The following TRABD2A variants were observed in gnomAD, a reference collection of about 807,000 sequenced individuals.
TRABD2A encodes the protein TraB domain containing 2A, also known as metalloprotease TIKI1.
TRABD2A carries 43 observed loss-of-function variants against 45.6 expected under a neutral mutation model. That is an observed-to-expected ratio of 0.94 (90% CI 0.74 to 1.22). TRABD2A has a LOEUF of 1.22. Among genes scored for constraint, TRABD2A ranks in the 50% most tolerant of loss-of-function variants. The probability of loss-of-function intolerance (pLI) is 0.00; values close to 1 mark genes in which losing one functional copy is unlikely to be tolerated. For synonymous variants in TRABD2A, 269 were observed against 265.0 expected (o/e 1.02, Z -0.15); for missense variants, 642 against 652.4 (o/e 0.98, Z 0.17).
chr2:84,855,970 G>A (rs925020046), intron 2 of TRABD2A, among the ~76,000 whole-genome samples: 9 of 152,246 alleles, frequency 5.9e-5, no homozygotes, highest in East Asian at 1.9e-4. Context: ...GAAAGGCACC[G>A]CCCATTACGC....
chr2:84,880,798 C>A, intron 1 of TRABD2A, 134 bp downstream of exon 1: 1 of 1,340,132 alleles, frequency 7.5e-7, no homozygotes, highest in Middle Eastern at 2.3e-4. Context: ...GCAAGGAGCG[C>A]CGCGGTGCTA....
At chr2:84,832,406 G>A (rs1681370001) in intron 4 of TRABD2A, 1 of 477,894 alleles carries the variant, frequency 2.1e-6, no homozygotes, top group Non-Finnish European at 3.8e-6. Context: ...ACAAAGCTAA[G>A]GGGATAGCCT....
chr2:84,829,490 A>G (rs1681253756), intron 5 of TRABD2A, among the ~76,000 whole-genome samples: 1 of 149,708 alleles, frequency 6.7e-6, no homozygotes, highest in African/African-American at 2.5e-5. Context: ...CCCCACACAT[A>G]CACAACTCAC....
intron 1 of TRABD2A, among the ~76,000 whole-genome samples, chr2:84,875,827 T>C (rs1453408114): frequency 1.3e-5 from 2 of 151,960 alleles, no homozygotes; most frequent in Non-Finnish European, 2.9e-5. Context: ...ACCCTGTCTC[T>C]ACAAAATATT....
intron 2 of TRABD2A, among the ~76,000 whole-genome samples, chr2:84,863,550 G>A (rs1280009711): frequency 6.7e-6 from 1 of 148,612 alleles, no homozygotes; most frequent in Non-Finnish European, 1.5e-5. Flanking sequence ...ATCTTAAGAT[G>A]CCAGTCTATA....
At position 84,863,239 on chromosome 2, in the gene TRABD2A, C is replaced by CTTTTTT. The variant is rs773927512; in HGVS notation, c.669+6980_669+6985dup. ...CCAAAAGGTTAGACTTCATGTGAAT[C>CTTTTTT]TTTTTTTTTTTTTTTTTTTTTTTGA... On this transcript the variant is annotated intron_variant, in intron 2 of 6. Coordinates refer to ENST00000409520, the MANE Select transcript of TRABD2A (RefSeq NM_001277053.2). 6.7e-4 allele frequency among the ~76,000 whole-genome samples: 66 copies of CTTTTTT among 98,136 alleles called. 3 individuals are homozygous for CTTTTTT. Among genetic ancestry groups the CTTTTTT allele is most frequent in the South Asian group, 2.4e-3 (7 of 2,978 alleles). 64.4% of individuals were successfully genotyped at this position (98,136 alleles called of 152,430 possible). A position where few individuals can be genotyped will look rare whatever the true frequency, so the allele number is the denominator to read the frequency against.
At chr2:84,862,917 A>G (rs1682546536) in intron 2 of TRABD2A, among the ~76,000 whole-genome samples, 2 of 150,520 alleles carry the variant, frequency 1.3e-5, no homozygotes, top group South Asian at 4.1e-4. Context: ...CAAAAAAATC[A>G]GAAACTAAAG....
In TRABD2A at chr2:84,842,156, CT is replaced by C. The variant is rs1289268604; in HGVS notation, c.670-150del. ...TACTTAAAAAAGGGAACACAAATCC[CT>C]GGACAGCATCCAAAGAAAAGGAGAA... On this transcript the variant is annotated intron_variant, in intron 2 of 6. Transcript: ENST00000409520. 4 of 800,238 alleles carry C rather than the reference CT, an allele frequency of 5.0e-6. No homozygotes were observed. In the Admixed American group the frequency reaches 1.4e-4, roughly 28 times the overall value. The allele number at this position is 800,238 out of a possible 1,614,324, so 49.6% of individuals were successfully genotyped here. A position where few individuals can be genotyped will look rare whatever the true frequency, so the allele number is the denominator to read the frequency against.
chr2:84,825,056 G>A (rs1006962216), intron 5 of TRABD2A, among the ~76,000 whole-genome samples: 3 of 152,186 alleles, frequency 2.0e-5, no homozygotes, highest in African/African-American at 7.2e-5. Context: ...AAGGGGATGG[G>A]GGAGCAGAAA....
chr2:84,875,488 G>T (rs572118638), intron 1 of TRABD2A, among the ~76,000 whole-genome samples: 3 of 152,318 alleles, frequency 2.0e-5, no homozygotes, highest in Admixed American at 2.0e-4. Context: ...CTCTGGAAAG[G>T]CCCCAGGAAG....
At chr2:84,839,121 G>A (rs736711) in intron 4 of TRABD2A, 28 bp downstream of exon 4, 205,252 of 1,610,142 alleles carry the variant, frequency 0.13, 13,627 homozygotes, top group Admixed American at 0.15. Context: ...AGATTTCAGA[G>A]GCTAATCAGA....
chr2:84,831,053 G>A (rs1186572540), intron 5 of TRABD2A, among the ~76,000 whole-genome samples: 1 of 152,168 alleles, frequency 6.6e-6, no homozygotes, highest in African/African-American at 2.4e-5. Context: ...ACATTCACAT[G>A]TTGAAGCCCC....
At chr2:84,864,240 A>G (rs1389994548) in intron 2 of TRABD2A, among the ~76,000 whole-genome samples, 1 of 152,202 alleles carries the variant, frequency 6.6e-6, no homozygotes, top group East Asian at 1.9e-4. Context: ...ATCCTGTGGA[A>G]CATGGACCAC....
chr2:84,854,692 T>C (rs1351209060), intron 2 of TRABD2A, among the ~76,000 whole-genome samples: 1 of 152,186 alleles, frequency 6.6e-6, no homozygotes, highest in East Asian at 1.9e-4. Flanking sequence ...CCTGCCTGAC[T>C]GCCCAGACCC....
At chr2:84,845,859 C>T (rs1023029793) in intron 2 of TRABD2A, among the ~76,000 whole-genome samples, 3 of 152,078 alleles carry the variant, frequency 2.0e-5, no homozygotes, top group Non-Finnish European at 2.9e-5. Flanking sequence ...ATGAACAAGA[C>T]AAGATCCTTG....
chr2:84,872,969 G>A (rs902250318), intron 1 of TRABD2A, among the ~76,000 whole-genome samples: 1 of 152,006 alleles, frequency 6.6e-6, no homozygotes, highest in African/African-American at 2.4e-5. Flanking sequence ...CAAAAAATTA[G>A]CCAGGTGTGG....
chr2:84,866,741 T>C (rs1161922332), intron 2 of TRABD2A, among the ~76,000 whole-genome samples: 1 of 151,444 alleles, frequency 6.6e-6, no homozygotes, highest in African/African-American at 2.4e-5. Context: ...ATTATCCCCA[T>C]TGGAAAGATG....
Position 84,870,611 on chromosome 2 carries a change from T to C in TRABD2A, c.283A>G (p.Thr95Ala). ...YFELDLTDPYTISALTSCQML... is the reference protein window; with the variant it reads ...YFELDLTDPYAISALTSCQML... ...TGACAGCTGGTGAGAGCTGAGATGG[T>C]ATAGGGGTCTGTGAGATCCAACTCA... is the stretch of plus-strand genomic sequence containing the variant. The change falls in exon 2 of 7, where the codon ACC becomes GCC. Residue 95 changes from threonine (T) to alanine (A), a missense_variant. Thr to Ala is a moderately conservative substitution (Grantham distance 58, BLOSUM62 0). Coordinates refer to ENST00000409520, the MANE Select transcript of TRABD2A (RefSeq NM_001277053.2). The C allele has an allele frequency of 2.5e-6, 4 of 1,613,320 alleles. No homozygotes were observed. The highest frequency in any genetic ancestry group is 3.4e-6 in the Non-Finnish European group (4 of 1,179,652).
intron 2 of TRABD2A, among the ~76,000 whole-genome samples, chr2:84,850,524 C>A (rs1207604106): frequency 1.3e-5 from 2 of 152,010 alleles, no homozygotes; most frequent in African/African-American, 4.8e-5. Flanking sequence ...GCGGGTAATG[C>A]AAACACTCAG....
Sources: gnomAD v4.1 joint callset for allele counts (sites outside exome capture counted in the v4.1 genomes callset) on GRCh38, gnomAD v4.1.1 for gene constraint, MANE v1.5 for transcripts, NCBI Gene and HGNC (gene_info 2026-07-23, HGNC 2026-07-21) for gene names.